SHC4: variants seen among roughly 807,000 people sequenced by gnomAD.
SHC4 encodes the protein SHC adaptor protein 4.
In SHC4, 41 loss-of-function variants were observed where a neutral mutation model predicts 69.4. The ratio of observed to expected loss-of-function variants is 0.59; its 90% CI spans 0.46 to 0.77. The LOEUF is 0.77. SHC4 is among the 30% of genes least tolerant of loss of function. The pLI is 0.00. For synonymous variants in SHC4, 318 were observed against 299.3 expected, an observed-to-expected ratio of 1.06 and a Z score of -0.64; for missense variants, 777 against 783.8, an observed-to-expected ratio of 0.99 and a Z score of 0.10.
At chr15:48,886,653 A>G (rs1356408921) in intron 3 of SHC4, among the ~76,000 whole-genome samples, 1 of 152,220 alleles carries the variant, frequency 6.6e-6, no homozygotes, top group African/African-American at 2.4e-5. Context: ...ACCTCTAGCC[A>G]TGGGAATCTT....
intron 1 of SHC4, among the ~76,000 whole-genome samples, chr15:48,949,422 A>G (rs1393965834): frequency 6.6e-6 from 1 of 151,160 alleles, no homozygotes; most frequent in Non-Finnish European, 1.5e-5. Context: ...TACCCTCTTC[A>G]TCAAATTATT....
intron 1 of SHC4, among the ~76,000 whole-genome samples, chr15:48,925,807 T>G (rs1019331979): frequency 1.1e-4 from 16 of 152,154 alleles, no homozygotes; most frequent in Admixed American, 1.0e-3. Flanking sequence ...AGGATGACCC[T>G]GTGGAGAGGG....
At chr15:48,931,137 C>G (rs1900957390) in intron 1 of SHC4, among the ~76,000 whole-genome samples, 1 of 152,188 alleles carries the variant, frequency 6.6e-6, no homozygotes. Context: ...TATTCGTTCT[C>G]AGTCTCCTTT....
At chr15:48,832,696 G>T (rs1319474927) in intron 11 of SHC4, among the ~76,000 whole-genome samples, 1 of 151,930 alleles carries the variant, frequency 6.6e-6, no homozygotes, top group Non-Finnish European at 1.5e-5. Context: ...CTGCTTGATG[G>T]TGTATCACAA....
intron 4 of SHC4, among the ~76,000 whole-genome samples, chr15:48,875,023 T>G (rs11635924): frequency 6.6e-6 from 1 of 152,028 alleles, no homozygotes; most frequent in Non-Finnish European, 1.5e-5. Flanking sequence ...GAGAGGTTCT[T>G]TGAAAAGGGG....
At chr15:48,921,125 C>T (rs937120691) in intron 2 of SHC4, among the ~76,000 whole-genome samples, 3 of 151,976 alleles carry the variant, frequency 2.0e-5, no homozygotes, top group South Asian at 2.1e-4. Context: ...TAGTATTGAG[C>T]CTTAAAAACG....
chr15:48,889,321 A>C (rs1413499357), intron 3 of SHC4, among the ~76,000 whole-genome samples: 1 of 152,222 alleles, frequency 6.6e-6, no homozygotes, highest in Non-Finnish European at 1.5e-5. Flanking sequence ...TACCGTGTGG[A>C]TTCTCTAGGT....
chr15:48,962,649 G>C lies in SHC4; in HGVS notation c.367C>G (p.Arg123Gly), dbSNP rs200520669. 1 of 1,614,076 alleles carries C rather than the reference G, an allele frequency of 6.2e-7. No individual in the cohort carries two copies. Among genetic ancestry groups the C allele is most frequent in the Non-Finnish European group, 8.5e-7 (1 of 1,180,048 alleles). Residue 123 changes from arginine to glycine, a missense_variant, in exon 1 of 12, where the codon CGG becomes GGG. Coordinates refer to ENST00000332408, the MANE Select transcript of SHC4 (RefSeq NM_203349.4). ...GAGGGGCCGCTGGAACCTGGGTCCCGGCTTTCCTGGAGCTTCAGCCGAGGC... is the reference window on the plus strand; with the variant it reads ...GAGGGGCCGCTGGAACCTGGGTCCCCGCTTTCCTGGAGCTTCAGCCGAGGC... ...EVPRLKLQES[R>G]DPGSSGPSSP...
chr15:48,855,955 A>C lies in SHC4; in HGVS notation c.1240T>G (p.Leu414Val). ...AACAACAATAAAACATTACATACCAAATAGCACAACTTTTCACACTGTATG... is the reference window on the plus strand; with the variant it reads ...AACAACAATAAAACATTACATACCACATAGCACAACTTTTCACACTGTATG... ...CPIQCEKLCY[L>V]PGNSKCSSVY... Residue 414 changes from leucine (L) to valine (V), a missense_variant and splice_region_variant, in exon 8 of 12, where the codon TTG becomes GTG. Physicochemically the swap from Leu to Val is conservative, Grantham distance 32. Coordinates refer to ENST00000332408, the MANE Select transcript of SHC4 (RefSeq NM_203349.4). The C allele has an allele frequency of 6.2e-7, 1 of 1,608,580 alleles. No homozygotes were observed. Among genetic ancestry groups the C allele is most frequent in the South Asian group, 1.1e-5 (1 of 89,798 alleles).
chr15:48,843,029 T>G (rs1899022290), intron 10 of SHC4, among the ~76,000 whole-genome samples: 1 of 152,194 alleles, frequency 6.6e-6, no homozygotes, highest in African/African-American at 2.4e-5. Context: ...TGTAATTAAA[T>G]TAAGGATCTT....
chr15:48,858,795 T>G (rs1466222891), intron 6 of SHC4, among the ~76,000 whole-genome samples: 2 of 152,168 alleles, frequency 1.3e-5, no homozygotes, highest in Admixed American at 6.5e-5. Context: ...AAAGGAACAT[T>G]GGGATAACCA....
At chr15:48,859,037 G>A (rs887359322) in intron 6 of SHC4, among the ~76,000 whole-genome samples, 4 of 152,114 alleles carry the variant, frequency 2.6e-5, no homozygotes, top group African/African-American at 9.7e-5. Flanking sequence ...AGAGACAACC[G>A]TCTTTATGGA....
At chr15:48,956,497 C>A (rs1901456077) in intron 1 of SHC4, among the ~76,000 whole-genome samples, 2 of 152,160 alleles carry the variant, frequency 1.3e-5, no homozygotes, top group Non-Finnish European at 2.9e-5. Flanking sequence ...GACACCAAGT[C>A]CAGTCAGACC....
intron 2 of SHC4, among the ~76,000 whole-genome samples, chr15:48,906,966 A>G (rs992152351): frequency 1.3e-5 from 2 of 152,220 alleles, no homozygotes; most frequent in South Asian, 2.1e-4. Context: ...ACAAATTAAT[A>G]TGCACCACAG....
At chr15:48,933,897 G>A (rs1350535128) in intron 1 of SHC4, among the ~76,000 whole-genome samples, 1 of 152,090 alleles carries the variant, frequency 6.6e-6, no homozygotes, top group African/African-American at 2.4e-5. Context: ...GTATATAAAA[G>A]TTGGACCTCT....
intron 1 of SHC4, among the ~76,000 whole-genome samples, chr15:48,935,383 G>C (rs945136821): frequency 6.6e-6 from 1 of 152,096 alleles, no homozygotes; most frequent in Non-Finnish European, 1.5e-5. Context: ...CCTCCTGCTG[G>C]ACTATGGGCT....
At position 48,868,500 on chromosome 15, in the gene SHC4, C is replaced by T. The variant is rs986404286; in HGVS notation, c.895-631G>A. On this transcript the variant is annotated intron_variant, in intron 5 of 11. Transcript: ENST00000332408. Reference sequence around the variant, plus strand: ...TCAAAAAGAGATGCACTGCTGACTTCGTAAAAACAAACCAACAAAACGCTA... The same window carrying T: ...TCAAAAAGAGATGCACTGCTGACTTTGTAAAAACAAACCAACAAAACGCTA... 3.3e-5 allele frequency among the ~76,000 whole-genome samples: 5 copies of T among 152,284 alleles called. No homozygotes were observed. The South Asian group carries it at 6.2e-4, about 19-fold the overall frequency.
At chr15:48,850,411 G>C (rs186070112) in intron 9 of SHC4, among the ~76,000 whole-genome samples, 121 of 151,966 alleles carry the variant, frequency 8.0e-4, no homozygotes, top group African/African-American at 2.8e-3. Flanking sequence ...AAATAAAAAA[G>C]TATCCTTGGA....
Position 48,890,799 on chromosome 15 carries a change from A to G in SHC4, c.669T>C (p.Ser223=). ...CCCCGGGGACAGCTTCACACAGGCG[A>G]CTTATTGCTTCCCTAAAGAACAGAA... is the stretch of plus-strand genomic sequence containing the variant. ...MRTQVTREAI[S]RLCEAVPGAN... is the part of the protein sequence containing the mutation. Residue 223 remains serine, a synonymous_variant, in exon 3 of 12, where the codon AGT becomes AGC. Coordinates refer to ENST00000332408, the MANE Select transcript of SHC4 (RefSeq NM_203349.4). The G allele has an allele frequency of 6.2e-7, 1 of 1,614,204 alleles. No individual in the cohort carries two copies. The highest frequency in any genetic ancestry group is 8.5e-7 in the Non-Finnish European group (1 of 1,180,036).
Sources: allele counts gnomAD v4.1 joint callset (sites outside exome capture counted in the v4.1 genomes callset), GRCh38; gene constraint gnomAD v4.1.1; transcripts MANE v1.5; gene names NCBI Gene and HGNC (gene_info 2026-07-23, HGNC 2026-07-21).